RIT2: variants seen among roughly 807,000 people sequenced by gnomAD.
RIT2 encodes the protein Ras like without CAAX 2, also known as GTP-binding protein Rit2.
A neutral mutation model predicts 23.7 loss-of-function variants in RIT2; 24 were observed. The observed-to-expected ratio is 1.01, with a 90% confidence interval of 0.73 to 1.43. The LOEUF is 1.43. Among genes scored for constraint, RIT2 ranks in the 40% most tolerant of loss-of-function variants. The pLI is 0.00. For synonymous variants in RIT2, 107 were observed against 91.1 expected (o/e 1.17, Z -0.99); for missense variants, 236 against 266.9 (o/e 0.88, Z 0.81).
intron 3 of RIT2, among the ~76,000 whole-genome samples, chr18:42,960,129 C>T (rs146918217): frequency 6.6e-6 from 1 of 152,256 alleles, no homozygotes; most frequent in East Asian, 1.9e-4. Flanking sequence ...ACAGGATCTT[C>T]ATAAAGGGCT....
At chr18:42,977,113 G>A (rs1910493657) in intron 2 of RIT2, among the ~76,000 whole-genome samples, 1 of 152,032 alleles carries the variant, frequency 6.6e-6, no homozygotes, top group Admixed American at 6.6e-5. Flanking sequence ...TCATTCAAGT[G>A]AAGACAATAA....
intron 4 of RIT2, among the ~76,000 whole-genome samples, chr18:42,903,711 A>T (rs1312619885): frequency 6.6e-6 from 1 of 152,122 alleles, no homozygotes; most frequent in Non-Finnish European, 1.5e-5. Context: ...GAAACAGATA[A>T]TGCTGTCTAT....
intron 2 of RIT2, among the ~76,000 whole-genome samples, chr18:43,024,297 A>G (rs1911660577): frequency 6.6e-6 from 1 of 152,090 alleles, no homozygotes; most frequent in Admixed American, 6.6e-5. Flanking sequence ...AGGAAAACAT[A>G]CACTGGAGAA....
At chr18:42,839,226 C>T (rs1413079620) in intron 4 of RIT2, among the ~76,000 whole-genome samples, 1 of 152,014 alleles carries the variant, frequency 6.6e-6, no homozygotes, top group African/African-American at 2.4e-5. Context: ...AGGATCAATA[C>T]CCCTAATGCA....
intron 1 of RIT2, among the ~76,000 whole-genome samples, chr18:43,074,289 A>T (rs1912963072): frequency 6.6e-6 from 1 of 152,190 alleles, no homozygotes; most frequent in African/African-American, 2.4e-5. Flanking sequence ...GCATATCTTC[A>T]GATTTTTCTT....
intron 2 of RIT2, among the ~76,000 whole-genome samples, chr18:42,998,566 A>T (rs1471344189): frequency 6.6e-6 from 1 of 152,098 alleles, no homozygotes; most frequent in African/African-American, 2.4e-5. Context: ...TTTTAAAAAG[A>T]TCCCTTGGTG....
chr18:43,022,875 C>T (rs777947101), intron 2 of RIT2, among the ~76,000 whole-genome samples: 69 of 152,054 alleles, frequency 4.5e-4, no homozygotes, highest in Middle Eastern at 3.2e-3. Context: ...ATTATACTAG[C>T]ATATTTAAAC....
intron 1 of RIT2, among the ~76,000 whole-genome samples, chr18:43,101,050 T>C (rs1913672288): frequency 6.6e-6 from 1 of 151,002 alleles, no homozygotes; most frequent in African/African-American, 2.4e-5. Context: ...ATAATGTATG[T>C]GTGTGTATAT....
At chr18:42,816,309 T>TCTAA (rs779375699) in intron 4 of RIT2, among the ~76,000 whole-genome samples, 11 of 152,282 alleles carry the variant, frequency 7.2e-5, no homozygotes, top group Admixed American at 3.3e-4. Context: ...GGGAGCCAAC[T>TCTAA]CTAACACACC....
At chr18:42,866,680 C>T (rs916931642) in intron 4 of RIT2, among the ~76,000 whole-genome samples, 1 of 151,006 alleles carries the variant, frequency 6.6e-6, no homozygotes, top group Admixed American at 6.6e-5. Flanking sequence ...CCTAGGGTCA[C>T]TCTTTTCTTT....
At chr18:43,106,349 T>A (rs948100224) in intron 1 of RIT2, among the ~76,000 whole-genome samples, 11 of 152,238 alleles carry the variant, frequency 7.2e-5, no homozygotes, top group African/African-American at 2.2e-4. Context: ...ACTGGTAAAG[T>A]GTCTAAGGAC....
intron 4 of RIT2, among the ~76,000 whole-genome samples, chr18:42,911,797 T>C (rs999339578): frequency 3.9e-5 from 6 of 151,954 alleles, no homozygotes; most frequent in African/African-American, 1.4e-4. Context: ...ATTTTTATTT[T>C]AAAAGCTTAT....
intron 4 of RIT2, among the ~76,000 whole-genome samples, chr18:42,853,841 T>C (rs373378072): frequency 2.6e-5 from 4 of 152,346 alleles, no homozygotes; most frequent in East Asian, 1.9e-4. Context: ...AACCTAAAAA[T>C]AGGTTGCAAT....
At chr18:43,055,342 T>C (rs1912475533) in intron 1 of RIT2, among the ~76,000 whole-genome samples, 1 of 152,066 alleles carries the variant, frequency 6.6e-6, no homozygotes, top group African/African-American at 2.4e-5. Flanking sequence ...TGTCTGGTGA[T>C]GAAAACAATG....
At chr18:42,748,023 A>G (rs1224101704) in intron 4 of RIT2, among the ~76,000 whole-genome samples, 1 of 152,042 alleles carries the variant, frequency 6.6e-6, no homozygotes, top group Non-Finnish European at 1.5e-5. Context: ...TGCAACAAAA[A>G]CAAAGATAAA....
chr18:42,885,535 G>A (rs1038358404), intron 4 of RIT2, among the ~76,000 whole-genome samples: 1 of 152,098 alleles, frequency 6.6e-6, no homozygotes, highest in African/African-American at 2.4e-5. Context: ...GCAGTGAGCC[G>A]AGATCGTGCC....
intron 4 of RIT2, among the ~76,000 whole-genome samples, chr18:42,765,854 C>G (rs1913408563): frequency 6.6e-6 from 1 of 152,058 alleles, no homozygotes; most frequent in South Asian, 2.1e-4. Context: ...ATCATGAGGG[C>G]TGGTCTTTCC....
intron 3 of RIT2, among the ~76,000 whole-genome samples, chr18:42,948,477 T>C (rs1215824235): frequency 6.6e-6 from 1 of 151,976 alleles, no homozygotes; most frequent in Non-Finnish European, 1.5e-5. Context: ...ATAGAATTAG[T>C]AGTCTAAGAA....
intron 1 of RIT2, among the ~76,000 whole-genome samples, chr18:43,037,670 G>T (rs1231920543): frequency 6.6e-6 from 1 of 151,784 alleles, no homozygotes; most frequent in Non-Finnish European, 1.5e-5. Context: ...CTCTTGATTG[G>T]ATGGAGGAAT....
Sources: allele counts gnomAD v4.1 joint callset (sites outside exome capture counted in the v4.1 genomes callset), GRCh38; gene constraint gnomAD v4.1.1; transcripts MANE v1.5; gene names NCBI Gene and HGNC (gene_info 2026-07-23, HGNC 2026-07-21).